The following ANKS1B variants were observed in gnomAD, a reference collection of about 807,000 sequenced individuals.
The protein encoded by ANKS1B is ankyrin repeat and sterile alpha motif domain-containing protein 1B.
A neutral mutation model predicts 148.3 loss-of-function variants in ANKS1B; 36 were observed. The ratio of observed to expected loss-of-function variants is 0.24; its 90% CI spans 0.19 to 0.32. The LOEUF (loss-of-function observed/expected upper bound fraction) is 0.32, where lower values mean the gene tolerates loss of function less well. ANKS1B is among the 10% of genes least tolerant of loss of function. The probability of loss-of-function intolerance (pLI) is 1.00; values close to 1 mark genes in which losing one functional copy is unlikely to be tolerated. For missense variants in ANKS1B, 1,157 were observed against 1,542.6 expected (o/e 0.75, Z 4.19); for synonymous variants, 542 against 560.8 (o/e 0.97, Z 0.47).
chr12:99,112,499 T>G (rs1036040908), intron 15 of ANKS1B, among the ~76,000 whole-genome samples: 3 of 151,948 alleles, frequency 2.0e-5, no homozygotes, highest in Non-Finnish European at 4.4e-5. Context: ...TTGTTGTTAT[T>G]AGTGACATTT....
intron 17 of ANKS1B, among the ~76,000 whole-genome samples, chr12:99,000,189 C>A: frequency 6.6e-6 from 1 of 151,062 alleles, no homozygotes; most frequent in East Asian, 1.9e-4. Context: ...ACAGAATGGA[C>A]TATAGAGATA....
intron 16 of ANKS1B, among the ~76,000 whole-genome samples, chr12:99,069,519 T>G (rs773818180): frequency 1.3e-5 from 2 of 152,220 alleles, no homozygotes; most frequent in Non-Finnish European, 2.9e-5. Context: ...ACTAATATAA[T>G]GCATTGAAGA....
intron 1 of ANKS1B, among the ~76,000 whole-genome samples, chr12:99,829,787 G>A (rs974647598): frequency 6.6e-6 from 1 of 152,024 alleles, no homozygotes; most frequent in African/African-American, 2.4e-5. Flanking sequence ...GCGAGATCAC[G>A]CCAGTGCACT....
intron 19 of ANKS1B, among the ~76,000 whole-genome samples, chr12:98,808,121 TA>T (rs2153615411): frequency 6.6e-6 from 1 of 152,270 alleles, no homozygotes; most frequent in South Asian, 2.1e-4. Context: ...TTGAGTTGAC[TA>T]AAAAAATCAT....
At chr12:99,867,427 T>C (rs528342546) in intron 1 of ANKS1B, among the ~76,000 whole-genome samples, 22 of 152,220 alleles carry the variant, frequency 1.4e-4, no homozygotes, top group South Asian at 2.1e-4. Flanking sequence ...GGGAAATTTA[T>C]AAAGAAAAAG....
intron 14 of ANKS1B, among the ~76,000 whole-genome samples, chr12:99,227,999 T>C (rs918405484): frequency 2.6e-5 from 4 of 152,132 alleles, no homozygotes; most frequent in African/African-American, 4.8e-5. Context: ...TTGAGATTTA[T>C]TGGTCATTTG....
chr12:99,362,570 C>A (rs1005274238), intron 12 of ANKS1B, among the ~76,000 whole-genome samples: 40 of 152,008 alleles, frequency 2.6e-4, no homozygotes, highest in African/African-American at 9.2e-4. Context: ...TCTGTCATAT[C>A]CAAAGTTACA....
chr12:99,419,703 C>G (rs538532188), intron 11 of ANKS1B, among the ~76,000 whole-genome samples: 1 of 152,256 alleles, frequency 6.6e-6, no homozygotes, highest in Admixed American at 6.5e-5. Flanking sequence ...GGGTCTCACT[C>G]TATCCCCCAG....
At chr12:98,983,494 C>A (rs150018114) in intron 17 of ANKS1B, among the ~76,000 whole-genome samples, 18 of 152,276 alleles carry the variant, frequency 1.2e-4, no homozygotes, top group African/African-American at 3.6e-4. Flanking sequence ...GGCAATCTCC[C>A]TTTTGTCATA....
intron 11 of ANKS1B, among the ~76,000 whole-genome samples, chr12:99,420,049 CT>C (rs1208620318): frequency 6.6e-6 from 1 of 151,996 alleles, no homozygotes; most frequent in Non-Finnish European, 1.5e-5. Flanking sequence ...GGTATCCTAC[CT>C]TTTTTTCATC....
intron 12 of ANKS1B, among the ~76,000 whole-genome samples, chr12:99,385,915 T>A (rs1336992464): frequency 6.6e-6 from 1 of 152,236 alleles, no homozygotes; most frequent in African/African-American, 2.4e-5. Context: ...AAACAACAGC[T>A]TGTCAAAATG....
At chr12:98,767,227 GCT>G (rs2098495797) in intron 25 of ANKS1B, among the ~76,000 whole-genome samples, 1 of 152,184 alleles carries the variant, frequency 6.6e-6, no homozygotes, top group Non-Finnish European at 1.5e-5. Flanking sequence ...CGTGGTTGAT[GCT>G]AGTGTTTTTC....
intron 17 of ANKS1B, among the ~76,000 whole-genome samples, chr12:98,853,967 G>T (rs979123522): frequency 7.2e-5 from 11 of 152,194 alleles, no homozygotes; most frequent in African/African-American, 2.7e-4. Context: ...GCTTCATTAT[G>T]ATCTGGGACC....
intron 10 of ANKS1B, among the ~76,000 whole-genome samples, chr12:99,452,567 T>C (rs950201411): frequency 6.6e-6 from 1 of 152,198 alleles, no homozygotes; most frequent in African/African-American, 2.4e-5. Flanking sequence ...AACTTTGTTG[T>C]AGTGATTGTA....
intron 12 of ANKS1B, among the ~76,000 whole-genome samples, chr12:99,296,707 TAGAGACCTTGCTTGTCTTATTC>T (rs1433697818): frequency 6.6e-6 from 1 of 152,160 alleles, no homozygotes; most frequent in East Asian, 1.9e-4. Flanking sequence ...GAGAAAAGAG[TAGAGACCTTGCTTGTCTTATTC>T]AGTTTGTATC....
intron 9 of ANKS1B, among the ~76,000 whole-genome samples, chr12:99,529,906 G>A (rs985978203): frequency 6.6e-6 from 1 of 152,098 alleles, no homozygotes; most frequent in East Asian, 1.9e-4. Context: ...GATTCTCTAA[G>A]TGATAATATT....
intron 16 of ANKS1B, among the ~76,000 whole-genome samples, chr12:99,072,670 C>A (rs576475996): frequency 6.6e-6 from 1 of 152,240 alleles, no homozygotes; most frequent in South Asian, 2.1e-4. Context: ...GGTTAAGAAC[C>A]TCTGTTAAGC....
intron 9 of ANKS1B, among the ~76,000 whole-genome samples, chr12:99,506,580 C>A (rs2153013174): frequency 1.3e-5 from 2 of 151,980 alleles, no homozygotes; most frequent in South Asian, 4.2e-4. Flanking sequence ...AGCCTTATAG[C>A]CACATAATAG....
At chr12:98,800,317 T>A (rs1272699239) in intron 21 of ANKS1B, among the ~76,000 whole-genome samples, 1 of 151,926 alleles carries the variant, frequency 6.6e-6, no homozygotes, top group Non-Finnish European at 1.5e-5. Context: ...AAAATCCTTA[T>A]CTTTTAAGTT....
Sources: gnomAD v4.1 joint callset for allele counts (sites outside exome capture counted in the v4.1 genomes callset) on GRCh38, gnomAD v4.1.1 for gene constraint, MANE v1.5 for transcripts, NCBI Gene and HGNC (gene_info 2026-07-23, HGNC 2026-07-21) for gene names.